The following ARB2A variants were observed in gnomAD, a reference collection of about 807,000 sequenced individuals.
ARB2A encodes the protein cotranscriptional regulator ARB2A.
At chr5:93,679,033 A>G in the ARB2A span, among the ~76,000 whole-genome samples, 2 of 152,244 alleles carry the variant, frequency 1.3e-5, no homozygotes, top group African/African-American at 2.4e-5. Flanking sequence ...AAAGTGGAAT[A>G]TAAGTGACTA....
the ARB2A span, among the ~76,000 whole-genome samples, chr5:94,083,694 C>T: frequency 6.6e-6 from 1 of 151,786 alleles, no homozygotes; most frequent in East Asian, 1.9e-4. Flanking sequence ...GACATTCTAT[C>T]CAATGCAGTA....
At chr5:93,815,066 C>T in the ARB2A span, among the ~76,000 whole-genome samples, 3 of 152,128 alleles carry the variant, frequency 2.0e-5, no homozygotes, top group South Asian at 6.2e-4. Flanking sequence ...TGGTCTCAAA[C>T]TCCTGGCCTC....
chr5:93,707,970 T>C, the ARB2A span, among the ~76,000 whole-genome samples: 1 of 152,242 alleles, frequency 6.6e-6, no homozygotes, highest in African/African-American at 2.4e-5. Flanking sequence ...TCAACTTTTA[T>C]TGTAAAAATG....
At chr5:93,811,793 G>C in the ARB2A span, among the ~76,000 whole-genome samples, 1 of 152,168 alleles carries the variant, frequency 6.6e-6, no homozygotes, top group African/African-American at 2.4e-5. Flanking sequence ...ATTTAAGCAT[G>C]AGAGATGCTG....
At chr5:93,853,144 T>C in the ARB2A span, among the ~76,000 whole-genome samples, 2 of 152,106 alleles carry the variant, frequency 1.3e-5, no homozygotes, top group Non-Finnish European at 1.5e-5. Context: ...GAGCAGTGGT[T>C]TGTAGTTCTC....
At chr5:93,737,811 C>G in the ARB2A span, 1 of 394,036 alleles carries the variant, frequency 2.5e-6, no homozygotes, top group Admixed American at 3.4e-5. Flanking sequence ...TGGGCACTTA[C>G]CTCATACCGT....
chr5:93,864,560 A>C, the ARB2A span, among the ~76,000 whole-genome samples: 1 of 152,198 alleles, frequency 6.6e-6, no homozygotes, highest in Non-Finnish European at 1.5e-5. Flanking sequence ...TATATTATTC[A>C]ACAAAACAAT....
chr5:93,675,363 A>G, the ARB2A span, among the ~76,000 whole-genome samples: 1 of 152,208 alleles, frequency 6.6e-6, no homozygotes, highest in Admixed American at 6.5e-5. Flanking sequence ...TAATTAGAAG[A>G]TATAAACTCA....
chr5:94,009,736 T>C, the ARB2A span, among the ~76,000 whole-genome samples: 1 of 152,030 alleles, frequency 6.6e-6, no homozygotes, highest in Non-Finnish European at 1.5e-5. Flanking sequence ...TTGGGTTATC[T>C]ATAGCATTAT....
chr5:93,805,269 T>C, the ARB2A span: 1 of 985,026 alleles, frequency 1.0e-6, no homozygotes, highest in Non-Finnish European at 1.2e-6. Context: ...TATTTGAAAA[T>C]CCATTAGCTT....
At chr5:93,935,730 T>A in the ARB2A span, among the ~76,000 whole-genome samples, 1 of 152,332 alleles carries the variant, frequency 6.6e-6, no homozygotes, top group African/African-American at 2.4e-5. Context: ...TCACCAAATA[T>A]AATATTTCAC....
At chr5:93,821,894 T>C in the ARB2A span, among the ~76,000 whole-genome samples, 8 of 151,170 alleles carry the variant, frequency 5.3e-5, no homozygotes, top group African/African-American at 1.7e-4. Flanking sequence ...ATCAAAGTTA[T>C]TTCACAAAAA....
the ARB2A span, among the ~76,000 whole-genome samples, chr5:94,100,028 T>C: frequency 6.6e-6 from 1 of 152,158 alleles, no homozygotes; most frequent in Admixed American, 6.5e-5. Context: ...TGATTCTATA[T>C]CTAGAAAACC....
the ARB2A span, among the ~76,000 whole-genome samples, chr5:93,833,574 A>G: frequency 4.6e-5 from 7 of 152,234 alleles, no homozygotes; most frequent in African/African-American, 1.7e-4. Context: ...AAAGCCTGAA[A>G]AAGACTTTTC....
the ARB2A span, chr5:93,958,835 A>G: frequency 2.5e-6 from 4 of 1,604,430 alleles, no homozygotes; most frequent in Non-Finnish European, 2.6e-6. Flanking sequence ...TTCATTTATA[A>G]TAAGTCTTCT....
chr5:93,886,364 T>A, the ARB2A span, among the ~76,000 whole-genome samples: 3 of 151,690 alleles, frequency 2.0e-5, no homozygotes, highest in African/African-American at 7.3e-5. Flanking sequence ...CAAGGCTCTG[T>A]AAGAGATCAT....
At chr5:93,852,807 G>A in the ARB2A span, among the ~76,000 whole-genome samples, 10 of 152,076 alleles carry the variant, frequency 6.6e-5, no homozygotes, top group Non-Finnish European at 1.5e-4. Context: ...CTGTTCCATT[G>A]ATCTAGTTCT....
At chr5:93,805,476 CAGA>C in the ARB2A span, 1 of 985,112 alleles carries the variant, frequency 1.0e-6, no homozygotes, top group Non-Finnish European at 1.2e-6. Context: ...TTCCCCTGCA[CAGA>C]AGAGTCTGGA....
the ARB2A span, among the ~76,000 whole-genome samples, chr5:94,052,726 T>C: frequency 4.6e-5 from 7 of 152,312 alleles, no homozygotes; most frequent in African/African-American, 1.7e-4. Context: ...TAAAACATTG[T>C]CACAGATAAT....
Sources: gnomAD v4.1 joint callset for allele counts (sites outside exome capture counted in the v4.1 genomes callset) on GRCh38, gnomAD v4.1.1 for gene constraint, MANE v1.5 for transcripts, NCBI Gene and HGNC (gene_info 2026-07-23, HGNC 2026-07-21) for gene names.